SHANK2: variants seen among roughly 807,000 people sequenced by gnomAD.
SHANK2 encodes the protein SH3 and multiple ankyrin repeat domains protein 2.
In SHANK2, 43 loss-of-function variants were observed where a neutral mutation model predicts 133.7. That is an observed-to-expected ratio of 0.32 (90% CI 0.25 to 0.41). The LOEUF (loss-of-function observed/expected upper bound fraction) is 0.41, where lower values mean the gene tolerates loss of function less well. Ranked by LOEUF, SHANK2 falls within the 10% of genes least tolerant of loss-of-function variation. SHANK2 has a pLI of 1.00. For missense variants in SHANK2, 1,994 were observed against 2,235.8 expected, an observed-to-expected ratio of 0.89 and a Z score of 2.18; for synonymous variants, 1,017 against 952.8, an observed-to-expected ratio of 1.07 and a Z score of -1.24.
chr11:71,233,597 G>A (rs1442704177), intron 1 of SHANK2, among the ~76,000 whole-genome samples: 1 of 152,178 alleles, frequency 6.6e-6, no homozygotes, highest in African/African-American at 2.4e-5. Flanking sequence ...CGGCACTGCA[G>A]GTTTTCAAAG....
At chr11:70,769,589 G>A (rs142131443) in intron 14 of SHANK2, among the ~76,000 whole-genome samples, 2 of 152,282 alleles carry the variant, frequency 1.3e-5, no homozygotes, top group African/African-American at 2.4e-5. Context: ...AGCCTTCTGC[G>A]AGAGCACATG....
intron 17 of SHANK2, among the ~76,000 whole-genome samples, chr11:70,529,243 T>C (rs2059437881): frequency 6.6e-6 from 1 of 152,224 alleles, no homozygotes; most frequent in South Asian, 2.1e-4. Flanking sequence ...CTGTACCCAC[T>C]GCAGAATCTC....
At chr11:70,775,879 A>G (rs1450008001) in intron 14 of SHANK2, among the ~76,000 whole-genome samples, 3 of 152,226 alleles carry the variant, frequency 2.0e-5, no homozygotes, top group Admixed American at 6.5e-5. Flanking sequence ...TCTGTTTCCC[A>G]TCGTCTATTT....
At chr11:71,115,695 T>C (rs1405394786) in intron 4 of SHANK2, among the ~76,000 whole-genome samples, 3 of 152,138 alleles carry the variant, frequency 2.0e-5, no homozygotes, top group Admixed American at 2.0e-4. Flanking sequence ...CATGGGTGGC[T>C]GGCTCGAGGT....
chr11:70,645,385 A>T (rs955549291), intron 17 of SHANK2, among the ~76,000 whole-genome samples: 1 of 152,126 alleles, frequency 6.6e-6, no homozygotes, highest in African/African-American at 2.4e-5. Context: ...GCTGCTGGGC[A>T]CACAGCCTGT....
At chr11:71,115,580 G>A (rs1240312949) in intron 4 of SHANK2, among the ~76,000 whole-genome samples, 3 of 152,144 alleles carry the variant, frequency 2.0e-5, no homozygotes, top group African/African-American at 4.8e-5. Flanking sequence ...GGCTCACAAC[G>A]CACACACTGC....
At chr11:70,697,521 T>A (rs1469724369) in intron 15 of SHANK2, among the ~76,000 whole-genome samples, 1 of 152,160 alleles carries the variant, frequency 6.6e-6, no homozygotes, top group Admixed American at 6.5e-5. Context: ...GGTGACAAAA[T>A]GTTTTGGAAG....
At chr11:71,066,095 G>A (rs1449734700) in intron 9 of SHANK2, among the ~76,000 whole-genome samples, 1 of 122,338 alleles carries the variant, frequency 8.2e-6, no homozygotes, top group Non-Finnish European at 1.8e-5. Context: ...GTTGGTGGGG[G>A]GGGTGTGTGC....
rs550095582 is a variant in SHANK2 at position 71,248,145 on chromosome 11, G to T, written c.-113+4280C>A. The stretch of plus-strand genomic sequence containing the variant: ...ATTGTCCCCCGCCCTGCAAAGAACA[G>T]AAACCCTAGAATGCAGGGAAGGCTT... On this transcript the variant is annotated intron_variant, in intron 1 of 25. Transcript: ENST00000601538. 4.1e-4 allele frequency among the ~76,000 whole-genome samples: 63 copies of T among 152,362 alleles called. 2 individuals are homozygous for T. Among genetic ancestry groups the T allele is most frequent in the Admixed American group, 2.5e-3 (38 of 15,312 alleles).
intron 17 of SHANK2, among the ~76,000 whole-genome samples, chr11:70,568,971 C>T (rs1171992570): frequency 6.6e-6 from 1 of 152,156 alleles, no homozygotes; most frequent in Admixed American, 6.5e-5. Context: ...GCATCCACGT[C>T]CGAGGGACTG....
At chr11:71,154,846 G>A (rs1479993814) in intron 2 of SHANK2, among the ~76,000 whole-genome samples, 6 of 129,240 alleles carry the variant, frequency 4.6e-5, no homozygotes, top group East Asian at 2.4e-4. Flanking sequence ...CCAGAGGAGG[G>A]ATGGACCTAC....
chr11:71,173,571 T>G (rs528120773), intron 2 of SHANK2, among the ~76,000 whole-genome samples: 21 of 152,360 alleles, frequency 1.4e-4, no homozygotes, highest in Non-Finnish European at 1.3e-4. Flanking sequence ...GGACTTCCAC[T>G]GCAACAATTT....
rs113978053 is a variant in SHANK2, at chr11:70,941,611, C to A, written c.1108-45044G>T. ...GTGAGGTCATGAGGGTGGGGCCCCA[C>A]GATAGGATTCGTGTCCTTATAAGAA... On this transcript the variant is annotated intron_variant, in intron 10 of 25. Coordinates refer to ENST00000601538, the MANE Select transcript of SHANK2 (RefSeq NM_012309.5). Among the ~76,000 whole-genome samples, 756 of 152,034 alleles carry A rather than the reference C, an allele frequency of 5.0e-3. 5 individuals are homozygous for A. Among genetic ancestry groups the A allele is most frequent in the African/African-American group, 0.018 (734 of 41,458 alleles).
At chr11:71,232,600 A>C (rs1954761824) in intron 1 of SHANK2, among the ~76,000 whole-genome samples, 3 of 152,042 alleles carry the variant, frequency 2.0e-5, no homozygotes, top group Non-Finnish European at 4.4e-5. Flanking sequence ...AAGACAATGC[A>C]GATGAAACCT....
chr11:70,898,346 T>A (rs1949971944), intron 10 of SHANK2, among the ~76,000 whole-genome samples: 1 of 148,756 alleles, frequency 6.7e-6, no homozygotes, highest in South Asian at 2.1e-4. Context: ...ATGTATACAT[T>A]TAATAAATAT....
chr11:70,645,332 C>A (rs1333059328), intron 17 of SHANK2, among the ~76,000 whole-genome samples: 2 of 152,114 alleles, frequency 1.3e-5, no homozygotes, highest in Non-Finnish European at 2.9e-5. Context: ...GAGGCAGGGG[C>A]TGTCTAGGGG....
At chr11:70,749,089 C>T (rs540350205) in intron 14 of SHANK2, among the ~76,000 whole-genome samples, 1 of 152,322 alleles carries the variant, frequency 6.6e-6, no homozygotes, top group African/African-American at 2.4e-5. Flanking sequence ...GGGGCTTTGT[C>T]CTGAGGACCT....
At chr11:70,790,106 G>C (rs1202830849) in intron 14 of SHANK2, among the ~76,000 whole-genome samples, 2 of 152,190 alleles carry the variant, frequency 1.3e-5, no homozygotes, top group Non-Finnish European at 2.9e-5. Flanking sequence ...TTTTATCTTT[G>C]TTTCTTAGTC....
intron 15 of SHANK2, among the ~76,000 whole-genome samples, chr11:70,671,255 G>A (rs1350443996): frequency 2.6e-5 from 4 of 152,132 alleles, no homozygotes; most frequent in Admixed American, 2.6e-4. Flanking sequence ...GCTCCCTGCC[G>A]AGACGAACGG....
Sources: gnomAD v4.1 joint callset for allele counts (sites outside exome capture counted in the v4.1 genomes callset) on GRCh38, gnomAD v4.1.1 for gene constraint, MANE v1.5 for transcripts, NCBI Gene and HGNC (gene_info 2026-07-23, HGNC 2026-07-21) for gene names.